DYNC2H1: variants seen among roughly 807,000 people sequenced by gnomAD.
DYNC2H1 encodes cytoplasmic dynein 2 heavy chain 1.
In DYNC2H1, 410 loss-of-function variants were observed where a neutral mutation model predicts 570.0. The ratio of observed to expected loss-of-function variants is 0.72; its 90% confidence interval spans 0.66 to 0.78. The LOEUF is 0.78. Among genes scored for constraint, DYNC2H1 ranks in the 30% least tolerant of loss-of-function variants. DYNC2H1 has a pLI of 0.00. For synonymous variants in DYNC2H1, 1,688 were observed against 1,677.6 expected (o/e 1.01, Z -0.15); for missense variants, 4,865 against 5,046.4 (o/e 0.96, Z 1.09).
At chr11:103,331,293 G>A (rs1938776587) in intron 82 of DYNC2H1, among the ~76,000 whole-genome samples, 1 of 152,196 alleles carries the variant, frequency 6.6e-6, no homozygotes, top group South Asian at 2.1e-4. Flanking sequence ...CCCCCTTACA[G>A]GCTTTTTCTC....
Position 103,129,005 on chromosome 11 carries a change from G to A in DYNC2H1, c.1953G>A (p.Lys651=), listed in dbSNP as rs1178331074. The A allele has an allele frequency of 4.4e-6, 7 of 1,595,028 alleles. No homozygotes were observed. Among genetic ancestry groups the A allele is most frequent in the Non-Finnish European group, 5.1e-6 (6 of 1,170,896 alleles). Residue 651 remains lysine (K), a splice_region_variant and synonymous_variant, in exon 13 of 89, where the codon AAG becomes AAA. Coordinates refer to ENST00000375735, the MANE Select transcript of DYNC2H1 (RefSeq NM_001377.3). This position sits in a 1 kb window ranked among gnomAD's most constrained non-coding sequence, Gnocchi z 4.1. ...CCTTAGCATTTGAACAGATAATTAAGGTAAATGGGCTTTTAATTTTATTAT... is the reference window on the plus strand; with the variant it reads ...CCTTAGCATTTGAACAGATAATTAAAGTAAATGGGCTTTTAATTTTATTAT... ...QSALAFEQII[K]NSKAGSGGKS...
intron 84 of DYNC2H1, among the ~76,000 whole-genome samples, chr11:103,418,210 A>G (rs1361521735): frequency 8.9e-6 from 1 of 111,944 alleles, no homozygotes; most frequent in Non-Finnish European, 1.8e-5. Context: ...AGTCATGCAG[A>G]TTGGAAAGAA....
intron 84 of DYNC2H1, among the ~76,000 whole-genome samples, chr11:103,413,530 G>C (rs1180119091): frequency 1.3e-5 from 2 of 152,136 alleles, no homozygotes; most frequent in African/African-American, 4.8e-5. Context: ...TAATTCTGAT[G>C]TTGTGATTCC....
chr11:103,316,550 G>C lies in DYNC2H1; in HGVS notation c.11655G>C (p.Trp3885Cys). 6.4e-7 allele frequency: 1 copy of C among 1,550,716 alleles called. No individual in the cohort carries two copies. The highest frequency in any genetic ancestry group is 1.2e-5 in the South Asian group (1 of 80,160). ...QERRNYIPQG[W>C]TKFYEFSLSD... is the part of the protein sequence containing the mutation. ...AAAAAATTGTTTTTTGACAGGGTTG[G>C]ACAAAGTTTTATGAATTTTCTTTAT... Residue 3885 changes from tryptophan (W) to cysteine (C), a missense_variant, in exon 80 of 89, where the codon TGG (tryptophan) becomes TGC (cysteine). This residue lies in a region of DYNC2H1 where 2,401 missense variants were observed against 2,454.6 expected (regional missense o/e 0.98). Transcript: ENST00000375735.
At chr11:103,216,376 T>C (rs966651307) in intron 55 of DYNC2H1, among the ~76,000 whole-genome samples, 2 of 152,198 alleles carry the variant, frequency 1.3e-5, no homozygotes, top group Non-Finnish European at 2.9e-5. Flanking sequence ...CAGTATTTTA[T>C]GTCTGCATGC....
intron 84 of DYNC2H1, among the ~76,000 whole-genome samples, chr11:103,426,968 G>C (rs1943695997): frequency 6.6e-6 from 1 of 151,948 alleles, no homozygotes; most frequent in Non-Finnish European, 1.5e-5. Flanking sequence ...GTTGTTTCTT[G>C]TTACGGCTCA....
chr11:103,353,680 G>T (rs1425044030), intron 82 of DYNC2H1, among the ~76,000 whole-genome samples: 1 of 151,826 alleles, frequency 6.6e-6, no homozygotes, highest in Non-Finnish European at 1.5e-5. Context: ...ACTAAAAAAG[G>T]GTTACCTTTT....
In DYNC2H1 at chr11:103,307,795, T is replaced by C. The variant is rs774490136; in HGVS notation, c.11457T>C (p.Pro3819=). 1.2e-6 allele frequency: 2 copies of C among 1,604,036 alleles called. No homozygotes were observed. The highest frequency in any genetic ancestry group is 1.7e-6 in the Non-Finnish European group (2 of 1,174,384). Residue 3819 remains proline (P), a synonymous_variant, in exon 78 of 89, where the codon CCT becomes CCC. Coordinates refer to ENST00000375735, the MANE Select transcript of DYNC2H1 (RefSeq NM_001377.3). ...LTAEVHPNFT[P]ILLQSSLKIT... The stretch of plus-strand genomic sequence containing the variant: ...CAGAAGTTCATCCCAACTTTACTCC[T>C]ATTTTACTACAGTCAAGTCTGAAGA...
rs184608019 is a variant in DYNC2H1 at position 103,434,472 on chromosome 11, A to G, written c.12367-1471A>G. On this transcript the variant is annotated intron_variant, in intron 84 of 88. Coordinates refer to ENST00000375735, the MANE Select transcript of DYNC2H1 (RefSeq NM_001377.3). ...CAAAGCTCCATAGGCTTCCTCTAGT[A>G]TTCTTCTAGAAGTCCTTTTAAGTTT... Among the ~76,000 whole-genome samples the G allele has an allele frequency of 2.8e-5, 4 of 144,660 alleles. No homozygotes were observed. The East Asian group carries it at 8.1e-4, about 29-fold the overall frequency. The allele number at this position is 144,660 out of a possible 152,430, so 94.9% of individuals were successfully genotyped here. A position where few individuals can be genotyped will look rare whatever the true frequency, so the allele number is the denominator to read the frequency against.
intron 75 of DYNC2H1, among the ~76,000 whole-genome samples, chr11:103,288,853 C>T (rs1408255949): frequency 2.1e-5 from 3 of 144,958 alleles, no homozygotes; most frequent in Non-Finnish European, 3.0e-5. Context: ...TGCACTCCAG[C>T]CTGGGCAACA....
At chr11:103,176,017 G>A (rs887645161) in intron 36 of DYNC2H1, among the ~76,000 whole-genome samples, 1 of 151,990 alleles carries the variant, frequency 6.6e-6, no homozygotes, top group African/African-American at 2.4e-5. Context: ...TGAATTCTAT[G>A]GGAAAGAGTT....
intron 80 of DYNC2H1, among the ~76,000 whole-genome samples, chr11:103,317,039 A>ATCTG (rs1937887104): frequency 6.6e-6 from 1 of 152,114 alleles, no homozygotes; most frequent in Non-Finnish European, 1.5e-5. Flanking sequence ...GCAGCAAATA[A>ATCTG]AGCCATTTAA....
Position 103,256,076 on chromosome 11 carries a change from T to C in DYNC2H1, c.10327-30T>C. ...TAATTGGTTATTTTTATATGTATAATAATATTCATATTGTTAACTTTCCCT... is the reference window on the plus strand; with the variant it reads ...TAATTGGTTATTTTTATATGTATAACAATATTCATATTGTTAACTTTCCCT... On this transcript the variant is annotated intron_variant, in intron 67 of 88. Transcript: ENST00000375735. This position sits in a 1 kb window ranked among gnomAD's most constrained non-coding sequence, Gnocchi z 4.0. The C allele has an allele frequency of 6.5e-7, 1 of 1,544,426 alleles. No individual in the cohort carries two copies. Among genetic ancestry groups the C allele is most frequent in the South Asian group, 1.2e-5 (1 of 83,284 alleles).
chr11:103,277,620 G>A lies in DYNC2H1; in HGVS notation c.10696-2728G>A, dbSNP rs931166424. On this transcript the variant is annotated intron_variant, in intron 70 of 88. Coordinates refer to ENST00000375735, the MANE Select transcript of DYNC2H1 (RefSeq NM_001377.3). The surrounding 1 kb of genome is among the most constrained non-coding windows in gnomAD (Gnocchi z 4.3). ...TTTCTCCTGCTGATAATTTTGGACC[G>A]TGAACCCATCTTCAGTGATACTTTA... Among the ~76,000 whole-genome samples the A allele has an allele frequency of 3.3e-5, 5 of 152,150 alleles. No homozygotes were observed. In the East Asian group the frequency reaches 5.8e-4, roughly 18 times the overall value.
chr11:103,283,126 G>C, intron 73 of DYNC2H1, 41 bp downstream of exon 73: 1 of 1,495,668 alleles, frequency 6.7e-7, no homozygotes, highest in Non-Finnish European at 9.2e-7. Flanking sequence ...AATTTCTTCT[G>C]TATTTGCATT....
At chr11:103,273,253 G>C (rs1165168591) in intron 70 of DYNC2H1, among the ~76,000 whole-genome samples, 5 of 150,820 alleles carry the variant, frequency 3.3e-5, no homozygotes, top group African/African-American at 4.9e-5. Context: ...GCAGTAGTGC[G>C]ATCTCGGCTC....
intron 44 of DYNC2H1, 57 bp downstream of exon 44, chr11:103,188,705 A>G (rs918589093): frequency 7.0e-6 from 9 of 1,280,038 alleles, no homozygotes; most frequent in Non-Finnish European, 9.2e-6. Flanking sequence ...ATATAAATGA[A>G]TTTTATTTAA....
At chr11:103,392,928 G>A (rs1942231558) in intron 83 of DYNC2H1, among the ~76,000 whole-genome samples, 1 of 150,760 alleles carries the variant, frequency 6.6e-6, no homozygotes, top group South Asian at 2.1e-4. Context: ...TTGTCACCCA[G>A]GCTGGAGTGC....
intron 19 of DYNC2H1, among the ~76,000 whole-genome samples, chr11:103,148,233 C>T (rs1256890020): frequency 2.6e-5 from 4 of 151,996 alleles, no homozygotes; most frequent in East Asian, 1.9e-4. Context: ...GTATAAAAGA[C>T]GAAAAATGCA....
Sources: gnomAD v4.1 joint callset for allele counts (sites outside exome capture counted in the v4.1 genomes callset) on GRCh38, gnomAD v4.1.1 for gene constraint, gnomAD v4.1.1 regional missense constraint, Gnocchi (gnomAD v3.1) non-coding constraint, MANE v1.5 for transcripts, NCBI Gene and HGNC (gene_info 2026-07-23, HGNC 2026-07-21) for gene names.